RANBP2: variants seen among roughly 807,000 people sequenced by gnomAD.
The protein encoded by RANBP2 is RAN binding protein 2, also known as E3 SUMO-protein ligase RanBP2.
RANBP2 carries 57 observed loss-of-function variants against 303.6 expected under a neutral mutation model. That is an observed-to-expected ratio of 0.19 (90% CI 0.15 to 0.23). The LOEUF (loss-of-function observed/expected upper bound fraction) is 0.23, where lower values mean the gene tolerates loss of function less well. RANBP2 is among the 10% of genes least tolerant of loss of function. The pLI is 1.00. For synonymous variants in RANBP2, 1,167 were observed against 1,301.5 expected (o/e 0.90, Z 2.23); for missense variants, 3,138 against 3,780.8 (o/e 0.83, Z 4.46).
chr2:108,794,765 T>G, the RANBP2 span: 1 of 1,431,838 alleles, frequency 7.0e-7, no homozygotes, highest in Admixed American at 2.1e-5. Flanking sequence ...ATATTTATGT[T>G]CTAAGAACCA....
the RANBP2 span, chr2:109,564,090 C>CGTA: frequency 3.0e-6 from 1 of 336,758 alleles, no homozygotes; most frequent in Non-Finnish European, 5.3e-6. Flanking sequence ...TTCAGTTACT[C>CGTA]ATGTCAGCAT....
chr2:109,078,225 CGTGTATATATATATATA>C, the RANBP2 span, among the ~76,000 whole-genome samples: 53 of 51,600 alleles, frequency 1.0e-3, 1 homozygote, highest in African/African-American at 3.4e-3. Flanking sequence ...ATATATATAG[CGTGTATATATATATATA>C]GCGTGTATAT....
chr2:108,878,905 A>G, the RANBP2 span, among the ~76,000 whole-genome samples: 18 of 152,374 alleles, frequency 1.2e-4, no homozygotes, highest in Admixed American at 4.6e-4. Flanking sequence ...TAAAAATAGC[A>G]TAAATATTCT....
the RANBP2 span, among the ~76,000 whole-genome samples, chr2:109,240,548 A>G: frequency 6.6e-6 from 1 of 152,212 alleles, no homozygotes; most frequent in East Asian, 1.9e-4. Context: ...GGTCCCTATC[A>G]GTAGCAGAGT....
chr2:109,087,101 GC>G, the RANBP2 span, among the ~76,000 whole-genome samples: 1 of 152,180 alleles, frequency 6.6e-6, no homozygotes, highest in African/African-American at 2.4e-5. Flanking sequence ...CTGAAAAACC[GC>G]AAATTGTCCC....
chr2:108,848,130 TTAATA>T, the RANBP2 span, among the ~76,000 whole-genome samples: 1 of 152,232 alleles, frequency 6.6e-6, no homozygotes, highest in Non-Finnish European at 1.5e-5. Context: ...TGAAGCCAAT[TTAATA>T]TAAGAAAAAT....
the RANBP2 span, among the ~76,000 whole-genome samples, chr2:109,532,307 C>A: frequency 3.4e-4 from 52 of 152,322 alleles, no homozygotes; most frequent in Admixed American, 3.1e-3. Flanking sequence ...AAAACATTCA[C>A]GTTCCATCAA....
chr2:109,710,113 C>T, the RANBP2 span, among the ~76,000 whole-genome samples: 2 of 142,496 alleles, frequency 1.4e-5, no homozygotes, highest in Non-Finnish European at 3.0e-5. Flanking sequence ...CAGGTGTGGT[C>T]GCTCATGCAT....
the RANBP2 span, among the ~76,000 whole-genome samples, chr2:109,571,909 C>T: frequency 2.0e-5 from 3 of 152,178 alleles, no homozygotes; most frequent in East Asian, 5.8e-4. Context: ...TTCTTAAAGA[C>T]TTTTGATGAC....
the RANBP2 span, among the ~76,000 whole-genome samples, chr2:109,724,028 C>A: frequency 6.6e-6 from 1 of 152,114 alleles, no homozygotes; most frequent in Non-Finnish European, 1.5e-5. Flanking sequence ...CTAGGGAATC[C>A]TTCCCCCATT....
the RANBP2 span, among the ~76,000 whole-genome samples, chr2:109,179,835 T>C: frequency 6.6e-6 from 1 of 152,196 alleles, no homozygotes; most frequent in Admixed American, 6.5e-5. Flanking sequence ...ACCATAGCCC[T>C]CTTGGCTAAA....
chr2:109,614,538 G>A, the RANBP2 span: 6 of 1,292,592 alleles, frequency 4.6e-6, no homozygotes, highest in South Asian at 1.0e-4. Context: ...GGGCCCCGAG[G>A]CGGTGCTGCG....
At chr2:109,248,405 T>G in the RANBP2 span, among the ~76,000 whole-genome samples, 1 of 152,212 alleles carries the variant, frequency 6.6e-6, no homozygotes. Context: ...CGCTCTCATT[T>G]TTTTCCTTTT....
the RANBP2 span, among the ~76,000 whole-genome samples, chr2:108,926,671 C>T: frequency 6.6e-6 from 1 of 152,220 alleles, no homozygotes; most frequent in Admixed American, 6.5e-5. Context: ...GGTCCTCCCA[C>T]ACAACCTCTC....
At chr2:109,436,297 G>A in the RANBP2 span, among the ~76,000 whole-genome samples, 9 of 152,320 alleles carry the variant, frequency 5.9e-5, no homozygotes, top group South Asian at 4.2e-4. Context: ...GAGGGAAAGC[G>A]TGAAAAGCCC....
the RANBP2 span, among the ~76,000 whole-genome samples, chr2:109,511,815 G>A: frequency 1.3e-5 from 2 of 152,162 alleles, no homozygotes; most frequent in African/African-American, 4.8e-5. Context: ...AATAAGGAAT[G>A]GGGGGTGGAC....
At chr2:109,653,960 G>A in the RANBP2 span, among the ~76,000 whole-genome samples, 1 of 152,188 alleles carries the variant, frequency 6.6e-6, no homozygotes. Context: ...AGACCTGGGA[G>A]GCATGGATCT....
chr2:108,979,517 G>T, the RANBP2 span, among the ~76,000 whole-genome samples: 9 of 151,550 alleles, frequency 5.9e-5, no homozygotes, highest in Non-Finnish European at 1.0e-4. Flanking sequence ...CACACCCCAG[G>T]AGCTGAAGTG....
At chr2:109,298,215 G>A in the RANBP2 span, among the ~76,000 whole-genome samples, 2 of 152,174 alleles carry the variant, frequency 1.3e-5, no homozygotes, top group African/African-American at 2.4e-5. Context: ...TGCAGAGAAG[G>A]GAAGGAGAGG....
Sources: allele counts gnomAD v4.1 joint callset (sites outside exome capture counted in the v4.1 genomes callset), GRCh38; gene constraint gnomAD v4.1.1; transcripts MANE v1.5; gene names NCBI Gene and HGNC (gene_info 2026-07-23, HGNC 2026-07-21).